RXFP2: variants seen among roughly 807,000 people sequenced by gnomAD.
The protein encoded by RXFP2 is relaxin receptor 2.
A neutral mutation model predicts 88.6 loss-of-function variants in RXFP2; 68 were observed. That is an observed-to-expected ratio of 0.77 (90% CI 0.63 to 0.94). The LOEUF is 0.94. Among genes scored for constraint, RXFP2 ranks in the 40% least tolerant of loss-of-function variants. The pLI is 0.00. For synonymous variants in RXFP2, 329 were observed against 306.8 expected (o/e 1.07, Z -0.76); for missense variants, 791 against 893.9 (o/e 0.88, Z 1.47).
At chr13:31,742,596 A>G (rs1322381835) in intron 1 of RXFP2, among the ~76,000 whole-genome samples, 1 of 152,166 alleles carries the variant, frequency 6.6e-6, no homozygotes, top group African/African-American at 2.4e-5. Context: ...ATCTCACAAC[A>G]GATGCTTACT....
chr13:31,743,526 T>C (rs1304242360), intron 1 of RXFP2, among the ~76,000 whole-genome samples: 1 of 151,872 alleles, frequency 6.6e-6, no homozygotes, highest in Non-Finnish European at 1.5e-5. Flanking sequence ...TATTACAAAG[T>C]AAAAAGCCTT....
chr13:31,773,133 G>A (rs955462229), intron 5 of RXFP2, among the ~76,000 whole-genome samples: 1 of 152,200 alleles, frequency 6.6e-6, no homozygotes, highest in Non-Finnish European at 1.5e-5. Flanking sequence ...ATCTGTGTGA[G>A]TTCATCCTAT....
At position 31,789,235 on chromosome 13, in the gene RXFP2, G is replaced by A. The variant is rs767413975; in HGVS notation, c.1145+42G>A. ...AATGGAGGAGGAAGCATGGTAAAATGCTTCAAATTATCTCCTGTAAACTGT... is the reference window on the plus strand; with the variant it reads ...AATGGAGGAGGAAGCATGGTAAAATACTTCAAATTATCTCCTGTAAACTGT... On this transcript the variant is annotated intron_variant, in intron 14 of 17. Coordinates refer to ENST00000298386, the MANE Select transcript of RXFP2 (RefSeq NM_130806.5). 4.8e-6 allele frequency: 6 copies of A among 1,240,306 alleles called. No individual in the cohort carries two copies. In the East Asian group the frequency reaches 1.4e-4, roughly 29 times the overall value. 76.8% of individuals were successfully genotyped at this position (1,240,306 alleles called of 1,614,324 possible).
intron 5 of RXFP2, among the ~76,000 whole-genome samples, chr13:31,767,315 C>T (rs900720289): frequency 2.6e-5 from 4 of 152,154 alleles, no homozygotes; most frequent in African/African-American, 9.7e-5. Context: ...CCTGTTGCTT[C>T]ATCCTAAAGT....
intron 2 of RXFP2, among the ~76,000 whole-genome samples, chr13:31,758,720 G>T (rs1243673984): frequency 6.6e-6 from 1 of 152,044 alleles, no homozygotes; most frequent in Non-Finnish European, 1.5e-5. Flanking sequence ...CCTTATGGCT[G>T]GTAATTTGGT....
chr13:31,762,143 C>A (rs1181534387), intron 3 of RXFP2, among the ~76,000 whole-genome samples: 1 of 152,188 alleles, frequency 6.6e-6, no homozygotes, highest in Non-Finnish European at 1.5e-5. Context: ...TGAGTTCTAA[C>A]CCACAAACAT....
At chr13:31,751,284 A>G (rs1375147239) in intron 1 of RXFP2, among the ~76,000 whole-genome samples, 1 of 151,992 alleles carries the variant, frequency 6.6e-6, no homozygotes, top group Non-Finnish European at 1.5e-5. Flanking sequence ...AAGAGTGAAA[A>G]TCCATTTCAA....
At position 31,765,133 on chromosome 13, in the gene RXFP2, T is replaced by C. The variant is rs950248665; in HGVS notation, c.416T>C (p.Val139Ala). The change falls in exon 4 of 18, where the codon GTG becomes GCG. Residue 139 changes from valine (V) to alanine (A), a missense_variant. Coordinates refer to ENST00000298386, the MANE Select transcript of RXFP2 (RefSeq NM_130806.5). Reference protein sequence around the residue: ...LKSVPMISNNVTLLSLKKNKI... With the variant: ...LKSVPMISNNATLLSLKKNKI... ...TCTGTGCCGATGATTTCTAACAATG[T>C]GACATTACTGTGAGTAAAACTTAAT... The C allele has an allele frequency of 2.5e-6, 4 of 1,583,456 alleles. No homozygotes were observed. The highest frequency in any genetic ancestry group is 3.5e-6 in the Non-Finnish European group (4 of 1,152,586).
Position 31,763,081 on chromosome 13 carries a change from CTTT to C in RXFP2, c.319+1298_319+1300del, listed in dbSNP as rs71099991. 1.5e-3 allele frequency among the ~76,000 whole-genome samples: 165 copies of C among 112,842 alleles called. 1 individual carries two copies. The highest frequency in any genetic ancestry group is 7.9e-3 in the Middle Eastern group (2 of 254). The allele number at this position is 112,842 out of a possible 152,430, so 74.0% of individuals were successfully genotyped here. A position where few individuals can be genotyped will look rare whatever the true frequency, so the allele number is the denominator to read the frequency against. ...AAGAACGTTTGACAGTGTCTGGAGACTTTTTTTTTTTTTTTTTTTTGAGACAGC... is the reference window on the plus strand; with the variant it reads ...AAGAACGTTTGACAGTGTCTGGAGACTTTTTTTTTTTTTTTTTGAGACAGC... On this transcript the variant is annotated intron_variant, in intron 3 of 17. Coordinates refer to ENST00000298386, the MANE Select transcript of RXFP2 (RefSeq NM_130806.5).
intron 3 of RXFP2, among the ~76,000 whole-genome samples, chr13:31,764,554 G>A (rs1872461656): frequency 1.3e-5 from 2 of 152,160 alleles, no homozygotes; most frequent in Admixed American, 1.3e-4. Flanking sequence ...GTGCCAGGGT[G>A]GTTATGGTAG....
chr13:31,762,013 C>G lies in RXFP2; in HGVS notation c.319+212C>G, dbSNP rs984939746. ...ATTTATGCTATTTTCATGCATTACT[C>G]TCTGATTGCAAGAATATATAAGTAT... On this transcript the variant is annotated intron_variant, in intron 3 of 17. Coordinates refer to ENST00000298386, the MANE Select transcript of RXFP2 (RefSeq NM_130806.5). Among the ~76,000 whole-genome samples, 3 of 152,282 alleles carry G rather than the reference C, an allele frequency of 2.0e-5. No individual in the cohort carries two copies. The East Asian group carries it at 5.8e-4, about 29-fold the overall frequency.
Position 31,765,115 on chromosome 13 carries a change from C to T in RXFP2, c.398C>T (p.Pro133Leu), listed in dbSNP as rs761572223. 3.7e-6 allele frequency: 6 copies of T among 1,606,008 alleles called. No individual in the cohort carries two copies. Among genetic ancestry groups the T allele is most frequent in the Admixed American group, 3.3e-5 (2 of 59,980 alleles). The change falls in exon 4 of 18, where the codon CCG becomes CTG. Residue 133 changes from proline to leucine, a missense_variant. Pro to Leu is a moderately conservative substitution (Grantham distance 98). Transcript: ENST00000298386. The stretch of plus-strand genomic sequence containing the variant: ...GTAAATGGTGACTTAAAGTCTGTGC[C>T]GATGATTTCTAACAATGTGACATTA... ...ECVNGDLKSV[P>L]MISNNVTLLS... is the part of the protein sequence containing the mutation.
intron 1 of RXFP2, among the ~76,000 whole-genome samples, chr13:31,750,554 A>C (rs1268139907): frequency 6.6e-6 from 1 of 152,192 alleles, no homozygotes; most frequent in Non-Finnish European, 1.5e-5. Flanking sequence ...GATCTAACGC[A>C]TGTCAGAGAT....
At position 31,791,911 on chromosome 13, in the gene RXFP2, C is replaced by A; in HGVS notation, c.1251C>A (p.Ile417=). Residue 417 remains isoleucine, a synonymous_variant, in exon 15 of 18, where the codon ATC becomes ATA. Coordinates refer to ENST00000298386, the MANE Select transcript of RXFP2 (RefSeq NM_130806.5). ...TTGAGGACCTCTTGGCTAACAATAT[C>A]CTCAGAATATTTGTCTGGGTTATAG... The part of the protein sequence containing the change: ...SSFEDLLANN[I]LRIFVWVIAF... The A allele has an allele frequency of 2.5e-6, 4 of 1,614,036 alleles. No individual in the cohort carries two copies. The highest frequency in any genetic ancestry group is 2.2e-5 in the South Asian group (2 of 91,078).
At chr13:31,779,200 A>G (rs529799594) in intron 9 of RXFP2, among the ~76,000 whole-genome samples, 13 of 145,810 alleles carry the variant, frequency 8.9e-5, no homozygotes, top group Non-Finnish European at 1.9e-4. Flanking sequence ...ATCTCGGCTC[A>G]CTGCAAGCTC....
intron 2 of RXFP2, among the ~76,000 whole-genome samples, chr13:31,759,393 G>GAAAGAAAGAAAGAAAGA (rs1419114749): frequency 7.0e-6 from 1 of 143,072 alleles, no homozygotes; most frequent in African/African-American, 2.6e-5. Context: ...AAGAAAGAAA[G>GAAAGAAAGAAAGAAAGA]AAAGAAAGAA....
In RXFP2 at chr13:31,777,275, T is replaced by C. The variant is rs1873033600; in HGVS notation, c.642-101T>C. 6.4e-6 allele frequency: 5 copies of C among 780,424 alleles called. No individual in the cohort carries two copies. In the South Asian group the frequency reaches 7.3e-5, roughly 11 times the overall value. The allele number at this position is 780,424 out of a possible 1,614,324, so 48.3% of individuals were successfully genotyped here. The stretch of plus-strand genomic sequence containing the variant: ...TCAGGGAAGGGACAGGTGAGCCAAG[T>C]ATGGAAGCACACAAAGGAGTAGGCC... On this transcript the variant is annotated intron_variant, in intron 7 of 17. Transcript: ENST00000298386.
Position 31,763,360 on chromosome 13 carries a change from C to T in RXFP2, c.319+1559C>T, listed in dbSNP as rs181452647. 1.1e-3 allele frequency among the ~76,000 whole-genome samples: 167 copies of T among 152,180 alleles called. 1 individual carries two copies. Among genetic ancestry groups the T allele is most frequent in the African/African-American group, 3.7e-3 (154 of 41,498 alleles). On this transcript the variant is annotated intron_variant, in intron 3 of 17. Transcript: ENST00000298386. ...TCAGCCCCCCAAAGTGTTGGGATTACGGGTGTGAGCCACGCATGCCCAGCC... is the reference window on the plus strand; with the variant it reads ...TCAGCCCCCCAAAGTGTTGGGATTATGGGTGTGAGCCACGCATGCCCAGCC...
Position 31,793,078 on chromosome 13 carries a change from A to G in RXFP2, c.1776A>G (p.Gly592=), listed in dbSNP as rs1353253095. ...TTGGAAGCAAAGGGTATTCTCTTGG[A>G]ATTTTCCTAGGTAAATTATATTTTT... The part of the protein sequence containing the change: ...EDIGSKGYSL[G]IFLGVNLLAF... Residue 592 remains glycine (G), a synonymous_variant, in exon 16 of 18, where the codon GGA becomes GGG. Transcript: ENST00000298386. 4 of 1,610,768 alleles carry G rather than the reference A, an allele frequency of 2.5e-6. No homozygotes were observed. The highest frequency in any genetic ancestry group is 3.4e-6 in the Non-Finnish European group (4 of 1,177,348).
Sources: gnomAD v4.1 joint callset for allele counts (sites outside exome capture counted in the v4.1 genomes callset) on GRCh38, gnomAD v4.1.1 for gene constraint, MANE v1.5 for transcripts, NCBI Gene and HGNC (gene_info 2026-07-23, HGNC 2026-07-21) for gene names.